Variants in JAKMIP2 observed in about 807,000 individuals in gnomAD.
The protein encoded by JAKMIP2 is janus kinase and microtubule interacting protein 2.
Under a neutral mutation model 115.0 loss-of-function variants are expected in JAKMIP2, and 25 were observed. That is an observed-to-expected ratio of 0.22 (90% CI 0.16 to 0.30). The LOEUF is 0.30. Among genes scored for constraint, JAKMIP2 ranks in the 10% least tolerant of loss-of-function variants. JAKMIP2 has a pLI of 1.00. For missense variants in JAKMIP2, 642 were observed against 957.6 expected (o/e 0.67, Z 4.35); for synonymous variants, 334 against 343.6 (o/e 0.97, Z 0.31).
chr5:147,747,505 T>C lies in JAKMIP2; in HGVS notation c.-149+34951A>G, dbSNP rs556567878. Reference sequence around the variant, plus strand: ...TAGAAAGAAGCTGACTCTGATCTGATGCAGTCTCAGGGCCACTTGGTCTAC... The same window carrying C: ...TAGAAAGAAGCTGACTCTGATCTGACGCAGTCTCAGGGCCACTTGGTCTAC... On this transcript the variant is annotated intron_variant, in intron 1 of 21. Coordinates refer to ENST00000616793, the MANE Select transcript of JAKMIP2 (RefSeq NM_001270941.2). 6.2e-4 allele frequency among the ~76,000 whole-genome samples: 94 copies of C among 152,276 alleles called. 1 individual carries two copies. Among genetic ancestry groups the C allele is most frequent in the Non-Finnish European group, 1.2e-3 (82 of 68,024 alleles).
chr5:147,658,571 G>A (rs969911698), intron 3 of JAKMIP2, among the ~76,000 whole-genome samples: 24 of 152,310 alleles, frequency 1.6e-4, no homozygotes, highest in African/African-American at 5.5e-4. Flanking sequence ...GTCAGGATCA[G>A]CCAGTATCTT....
chr5:147,661,215 A>G lies in JAKMIP2; in HGVS notation c.360T>C (p.Ala120=), dbSNP rs1465477913. The G allele has an allele frequency of 3.7e-6, 6 of 1,613,780 alleles. No individual in the cohort carries two copies. In the African/African-American group the frequency reaches 6.7e-5, roughly 18 times the overall value. Residue 120 remains alanine (A), a synonymous_variant, in exon 3 of 22, where the codon GCT becomes GCC. Coordinates refer to ENST00000616793, the MANE Select transcript of JAKMIP2 (RefSeq NM_001270941.2). The part of the protein sequence containing the change: ...EIQRLKSALC[A]LRDGSSDKVR... ...CTTTGTCACTGCTGCCGTCGCGGAGAGCACAGAGAGCAGACTTGAGCCTCT... is the reference window on the plus strand; with the variant it reads ...CTTTGTCACTGCTGCCGTCGCGGAGGGCACAGAGAGCAGACTTGAGCCTCT...
chr5:147,640,294 T>A (rs761536810), intron 9 of JAKMIP2, among the ~76,000 whole-genome samples: 21 of 152,242 alleles, frequency 1.4e-4, no homozygotes, highest in Middle Eastern at 3.4e-3. Context: ...AGGAGTTGCA[T>A]GGTAGAGTCC....
chr5:147,702,644 GAAAGAAAGAAAGAAAGAAAGAGAGAGAA>G lies in JAKMIP2; in HGVS notation c.-148-30718_-148-30691del, dbSNP rs1561547560. Among the ~76,000 whole-genome samples, 65 of 123,480 alleles carry G rather than the reference GAAAGAAAGAAAGAAAGAAAGAGAGAGAA, an allele frequency of 5.3e-4. 1 individual carries two copies. In the East Asian group the frequency reaches 7.4e-3, roughly 14 times the overall value. The allele number at this position is 123,480 out of a possible 152,430, so 81.0% of individuals were successfully genotyped here. On this transcript the variant is annotated intron_variant, in intron 1 of 21. Transcript: ENST00000616793. ...AGAAAGAAAGAAAGAAAGAAAGAAA[GAAAGAAAGAAAGAAAGAAAGAGAGAGAA>G]AGAAAGAGAAAGAAAGAAAAGAAAA...
At chr5:147,656,088 T>A (rs1189500574) in intron 3 of JAKMIP2, among the ~76,000 whole-genome samples, 1 of 152,216 alleles carries the variant, frequency 6.6e-6, no homozygotes, top group East Asian at 1.9e-4. Context: ...TTCTTTTGCA[T>A]TTGCTGAGGA....
intron 1 of JAKMIP2, among the ~76,000 whole-genome samples, chr5:147,677,032 G>A (rs990031923): frequency 6.6e-6 from 1 of 152,210 alleles, no homozygotes; most frequent in Middle Eastern, 3.2e-3. Context: ...TTGATTAAAA[G>A]TATGGGCTAC....
chr5:147,640,740 G>C lies in JAKMIP2; in HGVS notation c.1365C>G (p.Asp455Glu). 1.2e-6 allele frequency: 2 copies of C among 1,613,698 alleles called. No homozygotes were observed. Among genetic ancestry groups the C allele is most frequent in the Non-Finnish European group, 1.7e-6 (2 of 1,179,746 alleles). ...ETSSMASFRT[D>E]RTPATPDDDL... ...CATCATCAGGAGTAGCTGGTGTTCT[G>C]TCTGTTCTAAATGAGGCCATGGATG... Residue 455 changes from aspartate (D) to glutamate (E), a missense_variant, in exon 9 of 22, where the codon GAC becomes GAG. Physicochemically the swap from Asp to Glu is conservative, Grantham distance 45 (BLOSUM62 2). Coordinates refer to ENST00000616793, the MANE Select transcript of JAKMIP2 (RefSeq NM_001270941.2).
intron 1 of JAKMIP2, among the ~76,000 whole-genome samples, chr5:147,744,860 C>T (rs1451969264): frequency 6.6e-6 from 1 of 151,932 alleles, no homozygotes; most frequent in Non-Finnish European, 1.5e-5. Flanking sequence ...GAGATTGAGA[C>T]CATCCTGGCC....
At chr5:147,626,793 C>T (rs147495738) in intron 16 of JAKMIP2, among the ~76,000 whole-genome samples, 136 of 152,264 alleles carry the variant, frequency 8.9e-4, no homozygotes, top group African/African-American at 3.1e-3. Flanking sequence ...CCTCCTCAAT[C>T]CTCATCTTCC....
At chr5:147,773,640 A>T (rs1178691225) in intron 1 of JAKMIP2, among the ~76,000 whole-genome samples, 1 of 152,142 alleles carries the variant, frequency 6.6e-6, no homozygotes, top group East Asian at 1.9e-4. Flanking sequence ...AAAGAGATTA[A>T]ACAGTATATA....
chr5:147,662,359 T>C lies in JAKMIP2; in HGVS notation c.130-914A>G, dbSNP rs375256437. ...CCCACAAGCCAACACTCCAAGTAGTTTGATAAAATATTTCGAATAAGCTTT... is the reference window on the plus strand; with the variant it reads ...CCCACAAGCCAACACTCCAAGTAGTCTGATAAAATATTTCGAATAAGCTTT... On this transcript the variant is annotated intron_variant, in intron 2 of 21. Coordinates refer to ENST00000616793, the MANE Select transcript of JAKMIP2 (RefSeq NM_001270941.2). Among the ~76,000 whole-genome samples the C allele has an allele frequency of 1.9e-3, 287 of 152,274 alleles. 3 individuals carry two copies. Among genetic ancestry groups the C allele is most frequent in the African/African-American group, 6.7e-3 (280 of 41,554 alleles).
At chr5:147,638,420 T>C (rs748316380) in intron 10 of JAKMIP2, among the ~76,000 whole-genome samples, 14 of 152,194 alleles carry the variant, frequency 9.2e-5, no homozygotes, top group Non-Finnish European at 1.9e-4. Context: ...CCCCAATCCA[T>C]GTTGGTAAGA....
intron 1 of JAKMIP2, among the ~76,000 whole-genome samples, chr5:147,726,180 C>T (rs192782651): frequency 6.6e-6 from 1 of 152,358 alleles, no homozygotes; most frequent in East Asian, 1.9e-4. Flanking sequence ...TCATTCCACC[C>T]CACTTTGAGT....
At chr5:147,673,834 T>C (rs1190754859) in intron 1 of JAKMIP2, among the ~76,000 whole-genome samples, 2 of 151,660 alleles carry the variant, frequency 1.3e-5, no homozygotes, top group Non-Finnish European at 2.9e-5. Flanking sequence ...TATATATATA[T>C]ATCTATCTAA....
chr5:147,659,690 CTGATTCT>C (rs1223023532), intron 3 of JAKMIP2, among the ~76,000 whole-genome samples: 1 of 152,168 alleles, frequency 6.6e-6, no homozygotes, highest in East Asian at 1.9e-4. Flanking sequence ...GTTCGAAGTC[CTGATTCT>C]TTCTTCATCA....
rs1051999832 is a variant in JAKMIP2 at position 147,591,430 on chromosome 5, T to C, written c.*277A>G. On this transcript the variant is annotated 3_prime_UTR_variant, in exon 22 of 22. Transcript: ENST00000616793. ...GAACTTTTTCTTTACACAATATATG[T>C]TTATAGTTCTTCTCTTCTGATTTGA... 2.0e-6 allele frequency: 1 copy of C among 492,690 alleles called. No individual in the cohort carries two copies. The highest frequency in any genetic ancestry group is 3.6e-6 in the Non-Finnish European group (1 of 276,910). 30.5% of individuals were successfully genotyped at this position (492,690 alleles called of 1,614,324 possible).
rs1044347477 is a variant in JAKMIP2, at chr5:147,725,707, C to G, written c.-148-53753G>C. Among the ~76,000 whole-genome samples, 5 of 152,070 alleles carry G rather than the reference C, an allele frequency of 3.3e-5. No homozygotes were observed. The East Asian group carries it at 5.8e-4, about 18-fold the overall frequency. ...ATGCTTGACCAAACTTGGGTTCCAG[C>G]CCCAACTTAGGAAGGTTAGAGTCCT... On this transcript the variant is annotated intron_variant, in intron 1 of 21. Coordinates refer to ENST00000616793, the MANE Select transcript of JAKMIP2 (RefSeq NM_001270941.2).
intron 1 of JAKMIP2, among the ~76,000 whole-genome samples, chr5:147,678,639 A>G (rs1034367655): frequency 1.3e-5 from 2 of 152,150 alleles, no homozygotes; most frequent in African/African-American, 4.8e-5. Flanking sequence ...ACATCAAATC[A>G]ATTTATAAGT....
intron 20 of JAKMIP2, among the ~76,000 whole-genome samples, chr5:147,605,767 C>T (rs185479707): frequency 3.1e-4 from 47 of 152,276 alleles, no homozygotes; most frequent in African/African-American, 1.1e-3. Flanking sequence ...ACACTGTCTT[C>T]CACAATGGTT....
Sources: allele counts gnomAD v4.1 joint callset (sites outside exome capture counted in the v4.1 genomes callset), GRCh38; gene constraint gnomAD v4.1.1; transcripts MANE v1.5; gene names NCBI Gene and HGNC (gene_info 2026-07-23, HGNC 2026-07-21).